Variants in FTCDNL1 observed in about 807,000 individuals in gnomAD.
The protein encoded by FTCDNL1 is formiminotransferase cyclodeaminase N-terminal like.
A neutral mutation model predicts 5.9 loss-of-function variants in FTCDNL1; 11 were observed. The observed-to-expected ratio is 1.87, with a 90% CI of 1.18 to 3.10. The LOEUF is 3.10. FTCDNL1 is among the 30% of genes most tolerant of loss of function. FTCDNL1 has a pLI of 0.00. For synonymous variants in FTCDNL1, 58 were observed against 24.8 expected (o/e 2.34, Z -3.99); for missense variants, 115 against 65.5 (o/e 1.76, Z -2.61).
downstream of FTCDNL1, among the ~76,000 whole-genome samples, chr2:199,808,408 C>A (rs866257742): frequency 1.3e-5 from 2 of 152,118 alleles, no homozygotes; most frequent in African/African-American, 4.8e-5. Context: ...ACACAATGTG[C>A]ATAACATACA....
chr2:199,736,628 T>C, the FTCDNL1 span, among the ~76,000 whole-genome samples: 1 of 152,330 alleles, frequency 6.6e-6, no homozygotes, highest in South Asian at 2.1e-4. Flanking sequence ...TTAACATGCT[T>C]AGATTCAATT....
intron 3 of FTCDNL1, among the ~76,000 whole-genome samples, chr2:199,773,694 C>T (rs1698924677): frequency 6.6e-6 from 1 of 152,194 alleles, no homozygotes; most frequent in South Asian, 2.1e-4. Flanking sequence ...TTGAGTGATT[C>T]CCTTGATGAC....
chr2:199,842,505 T>G (rs2076617694), intron 3 of FTCDNL1, among the ~76,000 whole-genome samples: 1 of 152,152 alleles, frequency 6.6e-6, no homozygotes, highest in African/African-American at 2.4e-5. Context: ...TATGTGTGAG[T>G]GTATGTCTCT....
chr2:199,681,024 C>T, the FTCDNL1 span, among the ~76,000 whole-genome samples: 1 of 152,198 alleles, frequency 6.6e-6, no homozygotes, highest in South Asian at 2.1e-4. Context: ...GAAATGCTCT[C>T]ACTTGCTGGC....
At chr2:199,734,910 G>A in the FTCDNL1 span, among the ~76,000 whole-genome samples, 1 of 152,110 alleles carries the variant, frequency 6.6e-6, no homozygotes, top group Non-Finnish European at 1.5e-5. Context: ...TGGGGAAAGT[G>A]CCTGGCAAAA....
the FTCDNL1 span, among the ~76,000 whole-genome samples, chr2:199,701,978 T>C: frequency 2.8e-3 from 423 of 152,258 alleles, 5 homozygotes; most frequent in African/African-American, 9.9e-3. Context: ...GAGGTTGCAA[T>C]GATCTGAGAT....
At chr2:199,826,399 T>C (rs1219269357) in intron 3 of FTCDNL1, among the ~76,000 whole-genome samples, 2 of 150,280 alleles carry the variant, frequency 1.3e-5, no homozygotes, top group African/African-American at 4.9e-5. Context: ...CATTTCTGAG[T>C]CTTAACCTCT....
chr2:199,672,474 C>A, the FTCDNL1 span, among the ~76,000 whole-genome samples: 5 of 152,080 alleles, frequency 3.3e-5, no homozygotes, highest in African/African-American at 7.2e-5. Context: ...GCAAATCACC[C>A]CAAAACTTAG....
the FTCDNL1 span, among the ~76,000 whole-genome samples, chr2:199,681,636 G>A: frequency 2.0e-5 from 3 of 152,248 alleles, no homozygotes; most frequent in East Asian, 5.8e-4. Context: ...CCTGCAGTAT[G>A]TTTCTCCCGT....
the FTCDNL1 span, among the ~76,000 whole-genome samples, chr2:199,747,541 T>C: frequency 8.7e-6 from 1 of 114,558 alleles, no homozygotes; most frequent in Non-Finnish European, 1.7e-5. Flanking sequence ...TCCCAATCAT[T>C]TTATTCCCAT....
chr2:199,684,460 TTA>T, the FTCDNL1 span, among the ~76,000 whole-genome samples: 2 of 152,200 alleles, frequency 1.3e-5, no homozygotes, highest in Non-Finnish European at 2.9e-5. Context: ...TGTAAATAAA[TTA>T]TACACACACA....
downstream of FTCDNL1, among the ~76,000 whole-genome samples, chr2:199,807,001 G>T (rs566583761): frequency 1.3e-4 from 20 of 152,322 alleles, no homozygotes; most frequent in East Asian, 3.9e-3. Flanking sequence ...CTTGTAGTAA[G>T]ATTTAAAAAA....
chr2:199,751,952 T>C, the FTCDNL1 span, among the ~76,000 whole-genome samples: 6 of 152,130 alleles, frequency 3.9e-5, no homozygotes, highest in Admixed American at 3.3e-4. Flanking sequence ...TGCTGACATT[T>C]ATCTACTGCT....
At chr2:199,808,828 G>A (rs4673494), downstream of FTCDNL1, among the ~76,000 whole-genome samples, 69,577 of 152,108 alleles carry the variant, frequency 0.46, 18,215 homozygotes, top group East Asian at 0.58. Context: ...GTTGGGGAGG[G>A]AACGATTTGT....
At chr2:199,688,184 T>C in the FTCDNL1 span, among the ~76,000 whole-genome samples, 1 of 145,856 alleles carries the variant, frequency 6.9e-6, no homozygotes, top group African/African-American at 2.5e-5. Flanking sequence ...TGAACCAAGA[T>C]CATGCCACTG....
At chr2:199,749,024 C>A in the FTCDNL1 span, among the ~76,000 whole-genome samples, 2 of 152,326 alleles carry the variant, frequency 1.3e-5, no homozygotes, top group Non-Finnish European at 2.9e-5. Context: ...CACCCAAGCA[C>A]CTGCCAATCC....
intron 3 of FTCDNL1, among the ~76,000 whole-genome samples, chr2:199,823,668 T>C (rs868312492): frequency 1.3e-5 from 2 of 152,230 alleles, no homozygotes; most frequent in African/African-American, 4.8e-5. Context: ...AACAGTGGGC[T>C]TAAGATATTC....
the FTCDNL1 span, among the ~76,000 whole-genome samples, chr2:199,749,228 C>T: frequency 2.6e-5 from 4 of 152,330 alleles, no homozygotes; most frequent in East Asian, 7.7e-4. Flanking sequence ...CCTGTCTCTT[C>T]TCTCCAGCCT....
chr2:199,758,256 A>T (rs1326884363), downstream of FTCDNL1, among the ~76,000 whole-genome samples: 1 of 152,182 alleles, frequency 6.6e-6, no homozygotes, highest in African/African-American at 2.4e-5. Flanking sequence ...TAAAACAGGC[A>T]AGGGTTTAAT....
Sources: gnomAD v4.1 joint callset for allele counts (sites outside exome capture counted in the v4.1 genomes callset) on GRCh38, gnomAD v4.1.1 for gene constraint, MANE v1.5 for transcripts, NCBI Gene and HGNC (gene_info 2026-07-23, HGNC 2026-07-21) for gene names.